SAMD5: variants seen among roughly 807,000 people sequenced by gnomAD.
The protein encoded by SAMD5 is sterile alpha motif domain-containing protein 5.
A neutral mutation model predicts 11.3 loss-of-function variants in SAMD5; 13 were observed. The ratio of observed to expected loss-of-function variants is 1.15; its 90% CI spans 0.75 to 1.83. SAMD5 has a LOEUF of 1.83. Among genes scored for constraint, SAMD5 ranks in the 40% most tolerant of loss-of-function variants. SAMD5 has a pLI of 0.00. For missense variants in SAMD5, 255 were observed against 239.1 expected (o/e 1.07, Z -0.44); for synonymous variants, 129 against 111.3 (o/e 1.16, Z -1.00).
At chr6:147,802,311 G>T in the SAMD5 span, among the ~76,000 whole-genome samples, 1 of 151,924 alleles carries the variant, frequency 6.6e-6, no homozygotes, top group African/African-American at 2.4e-5. Context: ...ACAGGAAAGT[G>T]CTCAATATTG....
the SAMD5 span, among the ~76,000 whole-genome samples, chr6:147,877,884 T>C: frequency 0.017 from 726 of 41,504 alleles, 2 homozygotes; most frequent in African/African-American, 0.031. Context: ...ACACACACGA[T>C]AGATAGATAG....
chr6:147,539,301 C>T (rs1788562442), intron 1 of SAMD5, among the ~76,000 whole-genome samples: 1 of 152,168 alleles, frequency 6.6e-6, no homozygotes. Flanking sequence ...ATCTCCCAGT[C>T]GCGGGCGAGG....
the SAMD5 span, among the ~76,000 whole-genome samples, chr6:147,756,546 T>G: frequency 6.6e-6 from 1 of 152,182 alleles, no homozygotes; most frequent in African/African-American, 2.4e-5. Context: ...CACAGCATAA[T>G]TTTTGTAGAA....
chr6:147,701,597 C>T (rs1791253710), intron 1 of SAMD5, among the ~76,000 whole-genome samples: 1 of 149,932 alleles, frequency 6.7e-6, no homozygotes, highest in Non-Finnish European at 1.5e-5. Flanking sequence ...TTGTGCCTCA[C>T]TGCAAGTGAG....
In SAMD5 at chr6:147,566,392, C is replaced by A. The variant is rs1182796535; in HGVS notation, c.*1936C>A. 1 of 984,484 alleles carries A rather than the reference C, an allele frequency of 1.0e-6. No homozygotes were observed. The highest frequency in any genetic ancestry group is 1.1e-4 in the East Asian group (1 of 8,790). The allele number at this position is 984,484 out of a possible 1,614,324, so 61.0% of individuals were successfully genotyped here. On this transcript the variant is annotated 3_prime_UTR_variant, in exon 2 of 2. Transcript: ENST00000367474. ...TTACAGATATAATTTATTGTGATAA[C>A]AAATGGCTTCCTGTTTGACCTCATT... is the stretch of plus-strand genomic sequence containing the variant.
chr6:147,895,054 T>C, the SAMD5 span, among the ~76,000 whole-genome samples: 6 of 152,352 alleles, frequency 3.9e-5, no homozygotes, highest in Admixed American at 2.6e-4. Context: ...GCTTGATTAG[T>C]TAAAAACCAA....
the SAMD5 span, among the ~76,000 whole-genome samples, chr6:147,801,850 A>G: frequency 1.3e-5 from 2 of 152,202 alleles, no homozygotes; most frequent in African/African-American, 4.8e-5. Flanking sequence ...GTGTTGGCAT[A>G]ACTAAATATC....
chr6:147,568,812 C>A lies in SAMD5; in HGVS notation c.*4356C>A. ...TCTTTGATTAAAAAATCATCTTCAG[C>A]TTTACATTATTAATCTCTGAGGACA... On this transcript the variant is annotated 3_prime_UTR_variant, in exon 2 of 2. Transcript: ENST00000367474. 1.0e-6 allele frequency: 1 copy of A among 952,596 alleles called. No individual in the cohort carries two copies. Among genetic ancestry groups the A allele is most frequent in the Non-Finnish European group, 1.2e-6 (1 of 800,096 alleles). 59.0% of individuals were successfully genotyped at this position (952,596 alleles called of 1,614,324 possible). A position where few individuals can be genotyped will look rare whatever the true frequency, so the allele number is the denominator to read the frequency against.
At chr6:147,636,816 A>G (rs1203812778) in intron 1 of SAMD5, among the ~76,000 whole-genome samples, 3 of 152,200 alleles carry the variant, frequency 2.0e-5, no homozygotes, top group African/African-American at 7.2e-5. Flanking sequence ...CAACCCTGAG[A>G]CCCAGCTAGC....
chr6:147,692,856 T>C (rs1239473978), intron 1 of SAMD5, among the ~76,000 whole-genome samples: 2 of 152,222 alleles, frequency 1.3e-5, no homozygotes, highest in Non-Finnish European at 2.9e-5. Flanking sequence ...AAAATAATTA[T>C]GTTAAAATAT....
At chr6:147,575,300 T>A (rs955733352) in intron 1 of SAMD5, among the ~76,000 whole-genome samples, 5 of 152,234 alleles carry the variant, frequency 3.3e-5, no homozygotes, top group Admixed American at 3.3e-4. Context: ...TCCAAACCTT[T>A]CTATGCATTT....
At chr6:147,651,931 G>C (rs1322756104) in intron 1 of SAMD5, among the ~76,000 whole-genome samples, 1 of 147,682 alleles carries the variant, frequency 6.8e-6, no homozygotes, top group East Asian at 2.0e-4. Flanking sequence ...CGCACAGAGT[G>C]GGGGTCGGAG....
At chr6:147,830,007 A>G in the SAMD5 span, among the ~76,000 whole-genome samples, 1 of 152,296 alleles carries the variant, frequency 6.6e-6, no homozygotes, top group South Asian at 2.1e-4. Context: ...GAGAAGCATG[A>G]TAAATCTGTG....
the SAMD5 span, among the ~76,000 whole-genome samples, chr6:147,789,441 G>A: frequency 7.9e-5 from 12 of 151,888 alleles, no homozygotes; most frequent in Non-Finnish European, 1.3e-4. Flanking sequence ...TTTAATTTTT[G>A]AGAGTTATTT....
intron 1 of SAMD5, among the ~76,000 whole-genome samples, chr6:147,650,902 T>C (rs1385954361): frequency 6.6e-6 from 1 of 152,032 alleles, no homozygotes; most frequent in Admixed American, 6.6e-5. Context: ...ATTTTGGGAG[T>C]TGGTGGCTTT....
the SAMD5 span, among the ~76,000 whole-genome samples, chr6:147,920,724 A>G: frequency 6.6e-6 from 1 of 152,216 alleles, no homozygotes; most frequent in Non-Finnish European, 1.5e-5. Context: ...TAAGCAAAGA[A>G]CACTTGGTTC....
the SAMD5 span, among the ~76,000 whole-genome samples, chr6:147,794,792 T>C: frequency 6.6e-6 from 1 of 152,124 alleles, no homozygotes; most frequent in African/African-American, 2.4e-5. Context: ...TATTGTAGCC[T>C]GCAAAGACTT....
At chr6:147,886,549 A>G in the SAMD5 span, among the ~76,000 whole-genome samples, 22 of 151,982 alleles carry the variant, frequency 1.4e-4, no homozygotes, top group Non-Finnish European at 2.8e-4. Flanking sequence ...CTTGCTTCTA[A>G]CCAACGGAAT....
the SAMD5 span, among the ~76,000 whole-genome samples, chr6:147,744,013 CAG>C: frequency 6.6e-6 from 1 of 152,156 alleles, no homozygotes; most frequent in South Asian, 2.1e-4. Flanking sequence ...ATCAAGAAAG[CAG>C]AGAGGCTTAA....
Sources: gnomAD v4.1 joint callset for allele counts (sites outside exome capture counted in the v4.1 genomes callset) on GRCh38, gnomAD v4.1.1 for gene constraint, MANE v1.5 for transcripts, NCBI Gene and HGNC (gene_info 2026-07-23, HGNC 2026-07-21) for gene names.